KCNIP4: variants seen among roughly 807,000 people sequenced by gnomAD.
KCNIP4 encodes potassium voltage-gated channel interacting protein 4.
KCNIP4 carries 12 observed loss-of-function variants against 34.0 expected under a neutral mutation model. That is an observed-to-expected ratio of 0.35 (90% CI 0.23 to 0.57). KCNIP4 has a LOEUF of 0.57. Among genes scored for constraint, KCNIP4 ranks in the 20% least tolerant of loss-of-function variants. The probability of loss-of-function intolerance (pLI) is 0.83; values close to 1 mark genes in which losing one functional copy is unlikely to be tolerated. For missense variants in KCNIP4, 238 were observed against 311.7 expected, an observed-to-expected ratio of 0.76 and a Z score of 1.78; for synonymous variants, 124 against 102.2, an observed-to-expected ratio of 1.21 and a Z score of -1.29.
intron 1 of KCNIP4, among the ~76,000 whole-genome samples, chr4:21,557,428 T>C (rs1168720926): frequency 6.6e-6 from 1 of 152,172 alleles, no homozygotes; most frequent in Non-Finnish European, 1.5e-5. Context: ...TTGACATGGC[T>C]ATGTAAAAAA....
chr4:21,582,953 A>T (rs182303560), intron 1 of KCNIP4, among the ~76,000 whole-genome samples: 12 of 152,000 alleles, frequency 7.9e-5, no homozygotes, highest in East Asian at 7.8e-4. Flanking sequence ...AGTTTCAAAG[A>T]TTCTCATTGC....
intron 1 of KCNIP4, among the ~76,000 whole-genome samples, chr4:21,611,193 C>T (rs1384180601): frequency 9.9e-5 from 15 of 152,122 alleles, no homozygotes; most frequent in Admixed American, 9.8e-4. Context: ...GTATATGTGT[C>T]ACATTTTCTT....
At position 21,899,680 on chromosome 4, in the gene KCNIP4, C is replaced by A. The variant is rs529511700; in HGVS notation, c.61+48891G>T. Among the ~76,000 whole-genome samples, 29 of 152,064 alleles carry A rather than the reference C, an allele frequency of 1.9e-4. No individual in the cohort carries two copies. The South Asian group carries it at 3.5e-3, about 19-fold the overall frequency. ...GAAAAAGGAATTAAAAAAAGTAATC[C>A]CATTTGCAACAGCTACAAATAAAAT... On this transcript the variant is annotated intron_variant, in intron 1 of 8. Coordinates refer to ENST00000382152, the MANE Select transcript of KCNIP4 (RefSeq NM_025221.6).
At chr4:21,502,711 G>A (rs145742599) in intron 1 of KCNIP4, among the ~76,000 whole-genome samples, 606 of 152,098 alleles carry the variant, frequency 4.0e-3, no homozygotes, top group African/African-American at 0.014. Context: ...TTAATTTTCC[G>A]TAATAAGGGA....
At chr4:21,743,325 C>T (rs945985971) in intron 1 of KCNIP4, among the ~76,000 whole-genome samples, 2 of 152,002 alleles carry the variant, frequency 1.3e-5, no homozygotes, top group Non-Finnish European at 1.5e-5. Flanking sequence ...TGGCTCATGG[C>T]CCCTGTTCAT....
chr4:20,849,368 T>A (rs1720756170), intron 3 of KCNIP4, among the ~76,000 whole-genome samples: 2 of 141,532 alleles, frequency 1.4e-5, no homozygotes, highest in Admixed American at 7.7e-5. Context: ...CAGACTCCAT[T>A]CATTCAGACA....
chr4:21,049,078 G>T (rs1742697456), intron 1 of KCNIP4, among the ~76,000 whole-genome samples: 1 of 149,860 alleles, frequency 6.7e-6, no homozygotes, highest in Admixed American at 6.7e-5. Flanking sequence ...AGCCTCCCGA[G>T]TAGCTGGGAC....
chr4:21,349,296 C>T (rs561709611), intron 1 of KCNIP4, among the ~76,000 whole-genome samples: 2 of 152,238 alleles, frequency 1.3e-5, no homozygotes, highest in Admixed American at 6.5e-5. Context: ...TTCTTCCAAC[C>T]TATATTGAGT....
At chr4:21,793,350 C>T (rs961983107) in intron 1 of KCNIP4, among the ~76,000 whole-genome samples, 1 of 152,104 alleles carries the variant, frequency 6.6e-6, no homozygotes, top group Non-Finnish European at 1.5e-5. Flanking sequence ...CTCCACCTCC[C>T]AGCCTCAAGC....
At chr4:21,885,867 A>C (rs576064521) in intron 1 of KCNIP4, among the ~76,000 whole-genome samples, 2 of 152,240 alleles carry the variant, frequency 1.3e-5, no homozygotes, top group African/African-American at 4.8e-5. Flanking sequence ...CCTGATTGCC[A>C]CGAAGATGAG....
At chr4:21,841,905 G>A (rs1472937747) in intron 1 of KCNIP4, among the ~76,000 whole-genome samples, 2 of 152,066 alleles carry the variant, frequency 1.3e-5, no homozygotes, top group African/African-American at 2.4e-5. Flanking sequence ...CTCAAACAAA[G>A]TTGCTTCTTT....
chr4:21,467,552 AT>A (rs1340239875), intron 1 of KCNIP4, among the ~76,000 whole-genome samples: 2 of 152,182 alleles, frequency 1.3e-5, no homozygotes, highest in South Asian at 4.1e-4. Flanking sequence ...CTGCAAAAAG[AT>A]AAAAGGAAGG....
At chr4:21,652,637 A>C (rs1348679118) in intron 1 of KCNIP4, among the ~76,000 whole-genome samples, 1 of 152,308 alleles carries the variant, frequency 6.6e-6, no homozygotes, top group South Asian at 2.1e-4. Flanking sequence ...TTTTCCATTG[A>C]GCCATATGCT....
intron 1 of KCNIP4, among the ~76,000 whole-genome samples, chr4:21,427,737 T>G (rs1299415096): frequency 6.6e-6 from 1 of 152,140 alleles, no homozygotes; most frequent in Non-Finnish European, 1.5e-5. Flanking sequence ...CTTGACATGA[T>G]AGGCATAAGA....
chr4:20,764,770 T>C (rs1755247915), intron 3 of KCNIP4, among the ~76,000 whole-genome samples: 1 of 151,868 alleles, frequency 6.6e-6, no homozygotes, highest in Non-Finnish European at 1.5e-5. Context: ...TTCTGAAAAT[T>C]ACCAGTGGAC....
At chr4:21,111,929 T>C (rs1749213183) in intron 1 of KCNIP4, among the ~76,000 whole-genome samples, 1 of 152,192 alleles carries the variant, frequency 6.6e-6, no homozygotes, top group Non-Finnish European at 1.5e-5. Flanking sequence ...GAATCAGGCT[T>C]CTGATACCTA....
At chr4:20,765,683 G>C (rs575255009) in intron 3 of KCNIP4, among the ~76,000 whole-genome samples, 2 of 152,238 alleles carry the variant, frequency 1.3e-5, no homozygotes, top group African/African-American at 4.8e-5. Context: ...TCTGCTGGCT[G>C]GTATACTTAT....
intron 1 of KCNIP4, among the ~76,000 whole-genome samples, chr4:21,856,434 T>C (rs1724757731): frequency 6.6e-6 from 1 of 152,180 alleles, no homozygotes; most frequent in Admixed American, 6.5e-5. Flanking sequence ...GCTGCTGCCA[T>C]GATGCCGCAT....
chr4:21,189,589 T>A (rs75977882), intron 1 of KCNIP4, among the ~76,000 whole-genome samples: 3,894 of 152,304 alleles, frequency 0.026, 159 homozygotes, highest in African/African-American at 0.089. Context: ...TTCAACATGA[T>A]GTTGTCATCT....
Sources: allele counts gnomAD v4.1 joint callset (sites outside exome capture counted in the v4.1 genomes callset), GRCh38; gene constraint gnomAD v4.1.1; transcripts MANE v1.5; gene names NCBI Gene and HGNC (gene_info 2026-07-23, HGNC 2026-07-21).